The following PRMT5 variants were observed in gnomAD, a reference collection of about 807,000 sequenced individuals.
The protein encoded by PRMT5 is protein arginine N-methyltransferase 5.
PRMT5 carries 15 observed loss-of-function variants against 84.0 expected under a neutral mutation model. The observed-to-expected ratio is 0.18, with a 90% confidence interval of 0.12 to 0.28. PRMT5 has a LOEUF of 0.28. Among genes scored for constraint, PRMT5 ranks in the 10% least tolerant of loss-of-function variants. The probability of loss-of-function intolerance (pLI) is 1.00; values close to 1 mark genes in which losing one functional copy is unlikely to be tolerated. For synonymous variants in PRMT5, 276 were observed against 292.4 expected (o/e 0.94, Z 0.57); for missense variants, 486 against 808.0 (o/e 0.60, Z 4.83).
chr14:22,928,674 C>T lies in PRMT5; in HGVS notation c.111-59G>A. 1 of 1,333,256 alleles carries T rather than the reference C, an allele frequency of 7.5e-7. No homozygotes were observed. The highest frequency in any genetic ancestry group is 1.1e-6 in the Non-Finnish European group (1 of 924,092). The allele number at this position is 1,333,256 out of a possible 1,614,324, so 82.6% of individuals were successfully genotyped here. A position where few individuals can be genotyped will look rare whatever the true frequency, so the allele number is the denominator to read the frequency against. ...ACAGCAGCAGTGCCAGAGAGCCAAG[C>T]AACTGGATTTAGGCTATCTTGATTT... On this transcript the variant is annotated intron_variant, in intron 1 of 16. Transcript: ENST00000324366. This position sits in a 1 kb window ranked among gnomAD's most constrained non-coding sequence, Gnocchi z 4.8.
chr14:22,922,696 G>C (rs11624624), intron 14 of PRMT5, 46 bp downstream of exon 14: 2 of 1,579,440 alleles, frequency 1.3e-6, no homozygotes, highest in East Asian at 4.5e-5. Flanking sequence ...GAGGAAGGAA[G>C]AAGCCCGTAC....
chr14:22,926,112 T>A (rs1323521863), intron 7 of PRMT5, 21 bp downstream of exon 7: 1 of 1,589,470 alleles, frequency 6.3e-7, no homozygotes, highest in Non-Finnish European at 8.6e-7. Flanking sequence ...GGACTACCTT[T>A]AGAACCCTCC....
chr14:22,924,419 A>G lies in PRMT5; in HGVS notation c.1077-27T>C, dbSNP rs774325265. The G allele has an allele frequency of 7.4e-6, 12 of 1,614,104 alleles. No individual in the cohort carries two copies. In the South Asian group the frequency reaches 9.9e-5, roughly 13 times the overall value. ...TAAGAAAGAAAGGGAAGAGTCAAGC[A>G]GACTTGGCATATACAGATATAGGTA... is the stretch of plus-strand genomic sequence containing the variant. On this transcript the variant is annotated intron_variant, in intron 10 of 16. Coordinates refer to ENST00000324366, the MANE Select transcript of PRMT5 (RefSeq NM_006109.5). The surrounding 1 kb of genome is among the most constrained non-coding windows in gnomAD (Gnocchi z 6.5).
chr14:22,921,739 C>T lies in PRMT5; in HGVS notation c.1761+437G>A, dbSNP rs1170002724. ...CTCTACTAAAAATACAAGAATTAGCCGGGTGTGGTGGCTGGCACCTGTAAT... is the reference window on the plus strand; with the variant it reads ...CTCTACTAAAAATACAAGAATTAGCTGGGTGTGGTGGCTGGCACCTGTAAT... On this transcript the variant is annotated intron_variant, in intron 16 of 16. Transcript: ENST00000324366. Among the ~76,000 whole-genome samples the T allele has an allele frequency of 4.0e-5, 6 of 151,862 alleles. No homozygotes were observed. The East Asian group carries it at 5.8e-4, about 15-fold the overall frequency.
intron 4 of PRMT5, among the ~76,000 whole-genome samples, chr14:22,927,084 C>G (rs1378236367): frequency 7.5e-6 from 1 of 132,510 alleles, no homozygotes. Context: ...CAATACTGAC[C>G]TTTTTTTTTT....
chr14:22,927,190 A>ATCC (rs2044440742), intron 4 of PRMT5, among the ~76,000 whole-genome samples: 1 of 150,794 alleles, frequency 6.6e-6, no homozygotes, highest in South Asian at 2.1e-4. Flanking sequence ...GGTTCAAGTC[A>ATCC]TCCTCCCACC....
intron 1 of PRMT5, 63 bp downstream of exon 1, chr14:22,929,189 G>A (rs1303229011): frequency 1.2e-6 from 2 of 1,613,926 alleles, no homozygotes; most frequent in Non-Finnish European, 1.7e-6. Context: ...GGGATGACTA[G>A]TCTGCCCTTC....
chr14:22,928,752 G>A lies in PRMT5; in HGVS notation c.111-137C>T. 1 of 751,468 alleles carries A rather than the reference G, an allele frequency of 1.3e-6. No homozygotes were observed. Among genetic ancestry groups the A allele is most frequent in the Non-Finnish European group, 2.4e-6 (1 of 422,864 alleles). 46.6% of individuals were successfully genotyped at this position (751,468 alleles called of 1,614,324 possible). On this transcript the variant is annotated intron_variant, in intron 1 of 16. Transcript: ENST00000324366. The surrounding 1 kb of genome is among the most constrained non-coding windows in gnomAD (Gnocchi z 4.8). ...TCAGCCTACTAGGCTGCTGAGTTCA[G>A]ACCACCTTGGGGGATATCAACTCTG...
chr14:22,928,402 A>T lies in PRMT5; in HGVS notation c.229+95T>A, dbSNP rs2044474218. ...ATCTATATCCCAGGGACTAACAAAT[A>T]TATCCAAGTCAGAAAAGGAGGAGAA... On this transcript the variant is annotated intron_variant, in intron 2 of 16. Coordinates refer to ENST00000324366, the MANE Select transcript of PRMT5 (RefSeq NM_006109.5). This position sits in a 1 kb window ranked among gnomAD's most constrained non-coding sequence, Gnocchi z 4.8. 2 of 1,225,592 alleles carry T rather than the reference A, an allele frequency of 1.6e-6. No homozygotes were observed. Among genetic ancestry groups the T allele is most frequent in the Admixed American group, 3.5e-5 (2 of 57,164 alleles). 75.9% of individuals were successfully genotyped at this position (1,225,592 alleles called of 1,614,324 possible).
At position 22,928,045 on chromosome 14, in the gene PRMT5, A is replaced by C. The variant is rs2044465298; in HGVS notation, c.315+81T>G. The C allele has an allele frequency of 5.7e-6, 7 of 1,220,824 alleles. No individual in the cohort carries two copies. The highest frequency in any genetic ancestry group is 8.2e-6 in the Non-Finnish European group (7 of 849,994). 75.6% of individuals were successfully genotyped at this position (1,220,824 alleles called of 1,614,324 possible). A position where few individuals can be genotyped will look rare whatever the true frequency, so the allele number is the denominator to read the frequency against. On this transcript the variant is annotated intron_variant, in intron 3 of 16. Coordinates refer to ENST00000324366, the MANE Select transcript of PRMT5 (RefSeq NM_006109.5). The surrounding 1 kb of genome is among the most constrained non-coding windows in gnomAD (Gnocchi z 4.8). Reference sequence around the variant, plus strand: ...ATTTCATTCTATCAGTTAATTTACCAAGTTATTGGGGATGGGAGGGGACCA... The same window carrying C: ...ATTTCATTCTATCAGTTAATTTACCCAGTTATTGGGGATGGGAGGGGACCA...
chr14:22,928,073 C>G lies in PRMT5; in HGVS notation c.315+53G>C. 1 of 1,479,236 alleles carries G rather than the reference C, an allele frequency of 6.8e-7. No individual in the cohort carries two copies. The highest frequency in any genetic ancestry group is 1.2e-5 in the South Asian group (1 of 84,928). The allele number at this position is 1,479,236 out of a possible 1,614,324, so 91.6% of individuals were successfully genotyped here. A position where few individuals can be genotyped will look rare whatever the true frequency, so the allele number is the denominator to read the frequency against. Reference sequence around the variant, plus strand: ...TTATTGGGGATGGGAGGGGACCACTCTCCCCACCCAGCTTGGTTAGAAAAA... The same window carrying G: ...TTATTGGGGATGGGAGGGGACCACTGTCCCCACCCAGCTTGGTTAGAAAAA... On this transcript the variant is annotated intron_variant, in intron 3 of 16. Coordinates refer to ENST00000324366, the MANE Select transcript of PRMT5 (RefSeq NM_006109.5). The surrounding 1 kb of genome is among the most constrained non-coding windows in gnomAD (Gnocchi z 4.8).
chr14:22,922,869 G>T (rs756804171), intron 13 of PRMT5, 34 bp from the exon 14 acceptor site: 1 of 1,591,742 alleles, frequency 6.3e-7, no homozygotes, highest in Non-Finnish European at 8.6e-7. Flanking sequence ...AGAGTGTTGG[G>T]GAAGACACAC....
Position 22,928,828 on chromosome 14 carries a change from T to A in PRMT5, c.111-213A>T, listed in dbSNP as rs561666756. Among the ~76,000 whole-genome samples, 5 of 152,256 alleles carry A rather than the reference T, an allele frequency of 3.3e-5. No individual in the cohort carries two copies. The highest frequency in any genetic ancestry group is 1.2e-4 in the African/African-American group (5 of 41,538). Reference sequence around the variant, plus strand: ...AAAACACAGCCATGGGACATATGAGTAAGGAGAAAATGATGGATATCCACA... The same window carrying A: ...AAAACACAGCCATGGGACATATGAGAAAGGAGAAAATGATGGATATCCACA... On this transcript the variant is annotated intron_variant, in intron 1 of 16. Coordinates refer to ENST00000324366, the MANE Select transcript of PRMT5 (RefSeq NM_006109.5). The surrounding 1 kb of genome is among the most constrained non-coding windows in gnomAD (Gnocchi z 4.8).
At chr14:22,922,040 A>G (rs957092735) in intron 16 of PRMT5, 136 bp downstream of exon 16, 1 of 805,688 alleles carries the variant, frequency 1.2e-6, no homozygotes, top group Non-Finnish European at 2.1e-6. Flanking sequence ...CCCAACACCT[A>G]CCACTGGGAT....
Position 22,928,300 on chromosome 14 carries a change from A to C in PRMT5, c.230-89T>G. 7.0e-7 allele frequency: 1 copy of C among 1,434,704 alleles called. No homozygotes were observed. Among genetic ancestry groups the C allele is most frequent in the South Asian group, 1.2e-5 (1 of 85,814 alleles). 88.9% of individuals were successfully genotyped at this position (1,434,704 alleles called of 1,614,324 possible). A position where few individuals can be genotyped will look rare whatever the true frequency, so the allele number is the denominator to read the frequency against. ...TTTAGTTTTGGGAATCAAGAGTAGA[A>C]ATGAGAGACAAAGGTTTTTTCTACA... On this transcript the variant is annotated intron_variant, in intron 2 of 16. Coordinates refer to ENST00000324366, the MANE Select transcript of PRMT5 (RefSeq NM_006109.5). This position sits in a 1 kb window ranked among gnomAD's most constrained non-coding sequence, Gnocchi z 4.8.
At position 22,924,414 on chromosome 14, in the gene PRMT5, C is replaced by A; in HGVS notation, c.1077-22G>T. The A allele has an allele frequency of 3.1e-6, 5 of 1,613,984 alleles. No homozygotes were observed. The highest frequency in any genetic ancestry group is 1.6e-4 in the Middle Eastern group (1 of 6,062). On this transcript the variant is annotated intron_variant, in intron 10 of 16. Transcript: ENST00000324366. This position sits in a 1 kb window ranked among gnomAD's most constrained non-coding sequence, Gnocchi z 6.5. ...TACCCTAAGAAAGAAAGGGAAGAGT[C>A]AAGCAGACTTGGCATATACAGATAT...
rs2044341297 is a variant in PRMT5, at chr14:22,923,109, G to A, written c.1427C>T (p.Ser476Phe). ...GACCTCATTGTACAGCTTGGAGGAA[G>A]AGATGGGAGCCAGAAAGGAAGTGTA... Reference protein sequence around the residue: ...GEYTSFLAPISSSKLYNEVRA... With the variant: ...GEYTSFLAPIFSSKLYNEVRA... The change falls in exon 13 of 17, where the codon TCT (serine) becomes TTT (phenylalanine). Residue 476 changes from serine (S) to phenylalanine (F), a missense_variant. Coordinates refer to ENST00000324366, the MANE Select transcript of PRMT5 (RefSeq NM_006109.5). The surrounding 1 kb of genome is among the most constrained non-coding windows in gnomAD (Gnocchi z 5.2). The A allele has an allele frequency of 4.3e-6, 7 of 1,613,682 alleles. No individual in the cohort carries two copies. Among genetic ancestry groups the A allele is most frequent in the Non-Finnish European group, 5.9e-6 (7 of 1,179,928 alleles).
At chr14:22,926,430 T>C (rs1160732848) in intron 6 of PRMT5, 76 bp downstream of exon 6, 1 of 1,595,174 alleles carries the variant, frequency 6.3e-7, no homozygotes, top group Non-Finnish European at 8.6e-7. Context: ...AATTGTATAC[T>C]ATATATGAAA....
At chr14:22,922,138 T>C (rs757135208) in intron 16 of PRMT5, 38 bp downstream of exon 16, 1 of 1,498,142 alleles carries the variant, frequency 6.7e-7, no homozygotes, top group East Asian at 2.3e-5. Flanking sequence ...AAGGCAAAGG[T>C]TACTGCTTAA....
Sources: gnomAD v4.1 joint callset for allele counts (sites outside exome capture counted in the v4.1 genomes callset) on GRCh38, gnomAD v4.1.1 for gene constraint, Gnocchi (gnomAD v3.1) non-coding constraint, MANE v1.5 for transcripts, NCBI Gene and HGNC (gene_info 2026-07-23, HGNC 2026-07-21) for gene names.